The following CCNA1 variants were observed in gnomAD, a reference collection of about 807,000 sequenced individuals.
CCNA1 encodes the protein cyclin-A1.
CCNA1 carries 23 observed loss-of-function variants against 54.1 expected under a neutral mutation model. The ratio of observed to expected loss-of-function variants is 0.42; its 90% CI spans 0.31 to 0.60. CCNA1 has a LOEUF of 0.60. CCNA1 is among the 20% of genes least tolerant of loss of function. CCNA1 has a pLI of 0.14. For synonymous variants in CCNA1, 208 were observed against 213.9 expected (o/e 0.97, Z 0.24); for missense variants, 450 against 556.7 (o/e 0.81, Z 1.93).
chr13:36,438,109 A>G lies in CCNA1; in HGVS notation c.587A>G (p.Glu196Gly). 1 of 1,613,590 alleles carries G rather than the reference A, an allele frequency of 6.2e-7. No homozygotes were observed. Among genetic ancestry groups the G allele is most frequent in the Non-Finnish European group, 8.5e-7 (1 of 1,179,490 alleles). Residue 196 changes from glutamate (E) to glycine (G), a missense_variant, in exon 4 of 9, where the codon GAA becomes GGA. Coordinates refer to ENST00000255465, the MANE Select transcript of CCNA1 (RefSeq NM_003914.4). ...GATTCATCTCTCCTCTCCCAGTCTG[A>G]AGATATATCCAGTCTTGGCACAGAT...
chr13:36,435,578 T>C (rs2055793714), intron 2 of CCNA1, among the ~76,000 whole-genome samples: 1 of 152,210 alleles, frequency 6.6e-6, no homozygotes, highest in South Asian at 2.1e-4. Context: ...TTGGCCACTG[T>C]TTGATATTCT....
At chr13:36,441,277 A>G in intron 7 of CCNA1, 46 bp downstream of exon 7, 1 of 1,206,338 alleles carries the variant, frequency 8.3e-7, no homozygotes, top group South Asian at 1.2e-5. Context: ...GTCTATCTAG[A>G]ATGGGCTTGC....
intron 2 of CCNA1, among the ~76,000 whole-genome samples, chr13:36,433,443 G>GTTCGTTCGTTCTTTCT (rs1491577879): frequency 5.6e-5 from 3 of 53,808 alleles, no homozygotes; most frequent in African/African-American, 1.9e-4. Context: ...TCTTTCTTTC[G>GTTCGTTCGTTCTTTCT]TTCTTTCTTT....
In CCNA1 at chr13:36,432,638, C is replaced by A. The variant is rs1368450660; in HGVS notation, c.17C>A (p.Pro6His). 2 of 1,598,612 alleles carry A rather than the reference C, an allele frequency of 1.3e-6. No individual in the cohort carries two copies. The highest frequency in any genetic ancestry group is 3.5e-5 in the Admixed American group (2 of 57,848). The change falls in exon 1 of 9, where the codon CCC becomes CAC. Residue 6 changes from proline (P) to histidine (H), a missense_variant. Pro to His is a moderately conservative substitution (Grantham distance 77). This residue lies in a region of CCNA1 where 103 missense variants were observed against 100.9 expected (regional missense o/e 1.02). Transcript: ENST00000255465. Reference sequence around the variant, plus strand: ...TCACTTGGGATGGAGACCGGCTTTCCCGCAATCATGTACCCTGGATCTTTT... The same window carrying A: ...TCACTTGGGATGGAGACCGGCTTTCACGCAATCATGTACCCTGGATCTTTT...
At chr13:36,431,885 C>T (rs2055711255), upstream of CCNA1, 1 of 152,658 alleles carries the variant, frequency 6.6e-6, no homozygotes, top group Admixed American at 6.5e-5. Flanking sequence ...CCAGGGTTCT[C>T]AGGAGCGGGC....
upstream of CCNA1, chr13:36,432,162 G>C (rs2055716315): frequency 6.3e-6 from 1 of 157,892 alleles, no homozygotes; most frequent in Non-Finnish European, 1.4e-5. Context: ...CCCGGAGCGA[G>C]TCAGGTGAGC....
At chr13:36,431,562 G>A (rs1364707526), upstream of CCNA1, 1 of 152,266 alleles carries the variant, frequency 6.6e-6, no homozygotes, top group Admixed American at 6.5e-5. Flanking sequence ...AGTTGCGCAG[G>A]AGCCCGCGGG....
chr13:36,431,733 G>C (rs1244295239), upstream of CCNA1: 2 of 152,352 alleles, frequency 1.3e-5, no homozygotes, highest in African/African-American at 2.4e-5. Flanking sequence ...CTGCACTTGG[G>C]GCAGCCCCGC....
chr13:36,433,058 T>G lies in CCNA1; in HGVS notation c.134T>G (p.Met45Arg). Reference sequence around the variant, plus strand: ...CAGCAGCCCGTGGAGTCTGAAGCAATGCACTGCAGCAACCCCAAGAGTGGA... The same window carrying G: ...CAGCAGCCCGTGGAGTCTGAAGCAAGGCACTGCAGCAACCCCAAGAGTGGA... The change falls in exon 2 of 9, where the codon ATG becomes AGG. Residue 45 changes from methionine to arginine, a missense_variant. Coordinates refer to ENST00000255465, the MANE Select transcript of CCNA1 (RefSeq NM_003914.4). The G allele has an allele frequency of 6.2e-7, 1 of 1,613,866 alleles. No homozygotes were observed. The highest frequency in any genetic ancestry group is 1.1e-5 in the South Asian group (1 of 91,054).
upstream of CCNA1, chr13:36,432,105 C>G (rs1330335221): frequency 6.5e-6 from 1 of 153,348 alleles, no homozygotes; most frequent in East Asian, 1.9e-4. Flanking sequence ...GGCCGTCGCC[C>G]GTTGGGCCCT....
Position 36,432,619 on chromosome 13 carries a change from G to C in CCNA1, c.-3G>C. 2 of 1,580,792 alleles carry C rather than the reference G, an allele frequency of 1.3e-6. No individual in the cohort carries two copies. The highest frequency in any genetic ancestry group is 1.7e-6 in the Non-Finnish European group (2 of 1,163,170). The stretch of plus-strand genomic sequence containing the variant: ...CAGCGCAGCACCCTGCTCGTCACTT[G>C]GGATGGAGACCGGCTTTCCCGCAAT... On this transcript the variant is annotated 5_prime_UTR_variant, in exon 1 of 9. Coordinates refer to ENST00000255465, the MANE Select transcript of CCNA1 (RefSeq NM_003914.4).
At chr13:36,439,090 T>C (rs2055844790) in intron 5 of CCNA1, among the ~76,000 whole-genome samples, 1 of 152,224 alleles carries the variant, frequency 6.6e-6, no homozygotes. Context: ...ACAAGTTCAG[T>C]GTCATGACTA....
chr13:36,432,815 C>T (rs573307508), intron 1 of CCNA1, 86 bp downstream of exon 1: 3 of 1,053,976 alleles, frequency 2.8e-6, no homozygotes, highest in South Asian at 2.7e-5. Context: ...GGATAAAAAG[C>T]CTCCCTCAGG....
chr13:36,434,826 G>GCCCCCCCCC (rs368520828), intron 2 of CCNA1, among the ~76,000 whole-genome samples: 5 of 110,950 alleles, frequency 4.5e-5, no homozygotes, highest in African/African-American at 1.7e-4. Context: ...CATGAGAGGT[G>GCCCCCCCCC]CCCCCCCCCC....
intron 8 of CCNA1, 38 bp downstream of exon 8, chr13:36,442,342 T>A (rs1232928773): frequency 6.3e-7 from 1 of 1,598,644 alleles, no homozygotes; most frequent in Admixed American, 1.7e-5. Flanking sequence ...GCTCTCTATT[T>A]AAAGCTTAAT....
intron 2 of CCNA1, among the ~76,000 whole-genome samples, chr13:36,434,833 C>CTG (rs79122701): frequency 1.3e-5 from 2 of 148,888 alleles, no homozygotes; most frequent in Non-Finnish European, 3.0e-5. Flanking sequence ...GGTGCCCCCC[C>CTG]CCCCGCGCCA....
Position 36,442,434 on chromosome 13 carries a change from C to A in CCNA1, c.1346+130C>A, listed in dbSNP as rs2055886827. 1.5e-5 allele frequency: 17 copies of A among 1,142,110 alleles called. No individual in the cohort carries two copies. In the South Asian group the frequency reaches 2.5e-4, roughly 17 times the overall value. The allele number at this position is 1,142,110 out of a possible 1,614,324, so 70.7% of individuals were successfully genotyped here. On this transcript the variant is annotated intron_variant, in intron 8 of 8. Transcript: ENST00000255465. ...GGTTGGAAAAGTAAGGGTACGTGTA[C>A]AAATTTACAAATAAATTTGAAAAGA...
At chr13:36,435,491 A>G (rs1464219630) in intron 2 of CCNA1, among the ~76,000 whole-genome samples, 2 of 152,232 alleles carry the variant, frequency 1.3e-5, no homozygotes, top group Non-Finnish European at 2.9e-5. Context: ...ATGGCTGATC[A>G]TTATTTTTTC....
chr13:36,433,400 TTCTTTCTTTC>T (rs2055748110), intron 2 of CCNA1, among the ~76,000 whole-genome samples, 179 bp downstream of exon 2: 1 of 106,032 alleles, frequency 9.4e-6, no homozygotes, highest in Non-Finnish European at 2.0e-5. Flanking sequence ...CTTTCTTTCT[TTCTTTCTTTC>T]TTTCTTTCTT....
Sources: allele counts gnomAD v4.1 joint callset (sites outside exome capture counted in the v4.1 genomes callset), GRCh38; gene constraint gnomAD v4.1.1; regional missense constraint gnomAD v4.1.1; transcripts MANE v1.5; gene names NCBI Gene and HGNC (gene_info 2026-07-23, HGNC 2026-07-21).